The following RYR2 variants were observed in gnomAD, a reference collection of about 807,000 sequenced individuals.
The protein encoded by RYR2 is ryanodine receptor 2.
RYR2 carries 227 observed loss-of-function variants against 601.1 expected under a neutral mutation model. The ratio of observed to expected loss-of-function variants is 0.38; its 90% CI spans 0.34 to 0.42. The LOEUF (loss-of-function observed/expected upper bound fraction) is 0.42, where lower values mean the gene tolerates loss of function less well. RYR2 is among the 10% of genes least tolerant of loss of function. The pLI, the probability that RYR2 is intolerant of heterozygous loss-of-function variation, is 1.00. For missense variants in RYR2, 4,646 were observed against 6,156.5 expected, an observed-to-expected ratio of 0.75 and a Z score of 8.21; for synonymous variants, 2,223 against 2,175.1, an observed-to-expected ratio of 1.02 and a Z score of -0.61.
chr1:237,669,650 G>C (rs1306596859), intron 58 of RYR2, among the ~76,000 whole-genome samples: 1 of 151,926 alleles, frequency 6.6e-6, no homozygotes, highest in Admixed American at 6.5e-5. Flanking sequence ...CATCCCAGAC[G>C]GGGCGGCAGG....
chr1:237,620,063 T>G (rs1488363782), intron 38 of RYR2, among the ~76,000 whole-genome samples: 1 of 152,200 alleles, frequency 6.6e-6, no homozygotes, highest in African/African-American at 2.4e-5. Flanking sequence ...TGCAGTGCAT[T>G]TTTATTCTCT....
intron 1 of RYR2, among the ~76,000 whole-genome samples, chr1:237,220,576 G>A (rs989697279): frequency 4.6e-5 from 7 of 152,092 alleles, no homozygotes; most frequent in South Asian, 4.1e-4. Context: ...CATATATACC[G>A]TATAGTTTCT....
chr1:237,663,343 G>A (rs1168275237), intron 56 of RYR2, among the ~76,000 whole-genome samples: 2 of 152,070 alleles, frequency 1.3e-5, no homozygotes, highest in South Asian at 2.1e-4. Context: ...CTGACTAAAG[G>A]AACACTTTTT....
Position 237,107,401 on chromosome 1 carries a change from G to T in RYR2, c.48+64832G>T, listed in dbSNP as rs533886165. Among the ~76,000 whole-genome samples, 507 of 150,902 alleles carry T rather than the reference G, an allele frequency of 3.4e-3. 3 individuals are homozygous for T. The highest frequency in any genetic ancestry group is 4.2e-3 in the Non-Finnish European group (284 of 67,716). On this transcript the variant is annotated intron_variant, in intron 1 of 104. Coordinates refer to ENST00000366574, the MANE Select transcript of RYR2 (RefSeq NM_001035.3). The stretch of plus-strand genomic sequence containing the variant: ...CTGGACGTGGTGGCGGGCGCCTGTA[G>T]TCCCAGCTACTCAGGAGGCTGAGGC...
intron 29 of RYR2, among the ~76,000 whole-genome samples, chr1:237,589,328 A>G (rs1231188085): frequency 1.3e-5 from 2 of 152,160 alleles, no homozygotes; most frequent in Non-Finnish European, 2.9e-5. Context: ...GAGGAAATCT[A>G]TAGCTCAGAC....
chr1:237,214,897 G>A (rs998650644), intron 1 of RYR2, among the ~76,000 whole-genome samples: 3 of 152,096 alleles, frequency 2.0e-5, no homozygotes, highest in Non-Finnish European at 4.4e-5. Flanking sequence ...TCATAGCAAA[G>A]GCATCCTGGA....
rs147267234 is a variant in RYR2, at chr1:237,463,556, T to C, written c.1613-5536T>C. Among the ~76,000 whole-genome samples, 36 of 152,176 alleles carry C rather than the reference T, an allele frequency of 2.4e-4. No individual in the cohort carries two copies. The East Asian group carries it at 6.8e-3, about 29-fold the overall frequency. ...TGATTAAATTCATAGAATTAAAGAA[T>C]GGGGCCAGGCAAAGTGACTCATTTC... is the stretch of plus-strand genomic sequence containing the variant. On this transcript the variant is annotated intron_variant, in intron 16 of 104. Coordinates refer to ENST00000366574, the MANE Select transcript of RYR2 (RefSeq NM_001035.3).
intron 16 of RYR2, among the ~76,000 whole-genome samples, 170 bp downstream of exon 16, chr1:237,456,905 C>T (rs1415498239): frequency 6.6e-6 from 1 of 151,968 alleles, no homozygotes; most frequent in Non-Finnish European, 1.5e-5. Context: ...AGCAAGACCC[C>T]ATCTCTACAA....
chr1:237,108,393 T>C (rs1669000723), intron 1 of RYR2, among the ~76,000 whole-genome samples: 1 of 152,188 alleles, frequency 6.6e-6, no homozygotes, highest in Non-Finnish European at 1.5e-5. Flanking sequence ...GGCTGGAGGA[T>C]GCTGCGTTAA....
chr1:237,508,948 T>C (rs1277020146), intron 23 of RYR2, among the ~76,000 whole-genome samples: 2 of 151,648 alleles, frequency 1.3e-5, no homozygotes. Context: ...TTCACCGTGT[T>C]AGCCAGGATG....
At chr1:237,554,597 A>G (rs1670705503) in intron 27 of RYR2, among the ~76,000 whole-genome samples, 1 of 151,914 alleles carries the variant, frequency 6.6e-6, no homozygotes, top group Non-Finnish European at 1.5e-5. Flanking sequence ...TTATCATTGA[A>G]ACCACGAGCC....
chr1:237,148,178 A>G (rs994731432), intron 1 of RYR2, among the ~76,000 whole-genome samples: 1 of 152,200 alleles, frequency 6.6e-6, no homozygotes, highest in Non-Finnish European at 1.5e-5. Context: ...GATAAACAAG[A>G]TAGTTAATAA....
At chr1:237,407,781 T>C (rs1363804189) in intron 10 of RYR2, among the ~76,000 whole-genome samples, 2 of 151,918 alleles carry the variant, frequency 1.3e-5, no homozygotes, top group African/African-American at 2.4e-5. Context: ...CATGCCCGGC[T>C]AATTTTTTGT....
At chr1:237,459,741 T>C (rs1041741706) in intron 16 of RYR2, among the ~76,000 whole-genome samples, 1 of 152,312 alleles carries the variant, frequency 6.6e-6, no homozygotes, top group African/African-American at 2.4e-5. Context: ...AATTTGATTA[T>C]TTTAGAACCT....
At chr1:237,239,132 T>C (rs1029144956) in intron 1 of RYR2, among the ~76,000 whole-genome samples, 5 of 152,198 alleles carry the variant, frequency 3.3e-5, no homozygotes, top group African/African-American at 1.2e-4. Context: ...TTTATATATG[T>C]GTATATATTT....
intron 1 of RYR2, among the ~76,000 whole-genome samples, chr1:237,167,107 G>A (rs78896107): frequency 6.6e-6 from 1 of 152,144 alleles, no homozygotes; most frequent in Non-Finnish European, 1.5e-5. Flanking sequence ...TTTGAAAGCC[G>A]TGCTTTGTTG....
At chr1:237,444,082 C>G (rs79372019) in intron 13 of RYR2, among the ~76,000 whole-genome samples, 4,629 of 152,234 alleles carry the variant, frequency 0.03, 98 homozygotes, top group Non-Finnish European at 0.052. Flanking sequence ...GAGTTGCACA[C>G]AGTATTGTAT....
chr1:237,827,816 A>C (rs1297581893), intron 101 of RYR2, among the ~76,000 whole-genome samples: 1 of 151,478 alleles, frequency 6.6e-6, no homozygotes, highest in Non-Finnish European at 1.5e-5. Context: ...GTGTGCCTGT[A>C]GTCCCAGCTG....
chr1:237,335,153 C>A (rs547362710), intron 3 of RYR2, among the ~76,000 whole-genome samples: 1 of 152,040 alleles, frequency 6.6e-6, no homozygotes, highest in South Asian at 2.1e-4. Context: ...TGTAGTTTGC[C>A]GATTTAATGA....
Sources: gnomAD v4.1 joint callset for allele counts (sites outside exome capture counted in the v4.1 genomes callset) on GRCh38, gnomAD v4.1.1 for gene constraint, MANE v1.5 for transcripts, NCBI Gene and HGNC (gene_info 2026-07-23, HGNC 2026-07-21) for gene names.